Variants in EXOC4 observed in about 807,000 individuals in gnomAD.
EXOC4 encodes the protein exocyst complex component 4.
In EXOC4, 71 loss-of-function variants were observed where a neutral mutation model predicts 107.2. The ratio of observed to expected loss-of-function variants is 0.66; its 90% confidence interval spans 0.55 to 0.81. The LOEUF (loss-of-function observed/expected upper bound fraction) is 0.81. EXOC4 is among the 30% of genes least tolerant of loss of function. EXOC4 has a pLI of 0.00. For missense variants in EXOC4, 1,108 were observed against 1,189.6 expected (o/e 0.93, Z 1.01); for synonymous variants, 456 against 441.2 (o/e 1.03, Z -0.42).
intron 17 of EXOC4, among the ~76,000 whole-genome samples, chr7:134,021,645 C>T (rs982649193): frequency 8.7e-5 from 13 of 149,950 alleles, no homozygotes; most frequent in Admixed American, 6.7e-4. Context: ...TTTCCATTGC[C>T]TGGAATCTAC....
intron 7 of EXOC4, among the ~76,000 whole-genome samples, chr7:133,416,365 G>A (rs1431582758): frequency 6.6e-6 from 1 of 152,138 alleles, no homozygotes; most frequent in Non-Finnish European, 1.5e-5. Flanking sequence ...TACCTAGAGT[G>A]ACAAGTTTTT....
At chr7:133,635,401 A>G (rs1418152271) in intron 10 of EXOC4, among the ~76,000 whole-genome samples, 1 of 152,164 alleles carries the variant, frequency 6.6e-6, no homozygotes, top group South Asian at 2.1e-4. Context: ...ATTCTCTCCA[A>G]GTCTAAAAAC....
rs1329602079 is a variant in EXOC4 at position 133,709,014 on chromosome 7, T to TA, written c.1514+78874dup. ...TTTTTTCAGAGCAGTTATTTTGGAG[T>TA]ATTAGGCTTGGTTATGTCTTCAAAG... is the stretch of plus-strand genomic sequence containing the variant. On this transcript the variant is annotated intron_variant, in intron 10 of 17. Coordinates refer to ENST00000253861, the MANE Select transcript of EXOC4 (RefSeq NM_021807.4). Among the ~76,000 whole-genome samples, 5 of 152,252 alleles carry TA rather than the reference T, an allele frequency of 3.3e-5. No individual in the cohort carries two copies. In the South Asian group the frequency reaches 1.0e-3, roughly 32 times the overall value.
intron 14 of EXOC4, among the ~76,000 whole-genome samples, chr7:133,986,550 G>A (rs932126691): frequency 2.0e-5 from 3 of 152,146 alleles, no homozygotes; most frequent in Non-Finnish European, 2.9e-5. Flanking sequence ...CAAGAAGAAA[G>A]GACATCTCTA....
chr7:133,849,138 G>A (rs1252376697), intron 11 of EXOC4, among the ~76,000 whole-genome samples: 2 of 152,134 alleles, frequency 1.3e-5, no homozygotes, highest in African/African-American at 4.8e-5. Flanking sequence ...AACCCCAAGA[G>A]CATAGAGACC....
At chr7:133,389,555 A>G (rs966280165) in intron 7 of EXOC4, among the ~76,000 whole-genome samples, 1 of 137,566 alleles carries the variant, frequency 7.3e-6, no homozygotes, top group African/African-American at 2.8e-5. Context: ...TCTGGGCAAC[A>G]AGAGTGAAAC....
At chr7:133,597,317 G>T (rs550835821) in intron 9 of EXOC4, among the ~76,000 whole-genome samples, 1 of 152,248 alleles carries the variant, frequency 6.6e-6, no homozygotes, top group African/African-American at 2.4e-5. Flanking sequence ...ACTTTGGGAG[G>T]CCGAGGCGGG....
intron 9 of EXOC4, among the ~76,000 whole-genome samples, chr7:133,628,832 CT>C (rs1370190918): frequency 2.6e-5 from 4 of 152,188 alleles, no homozygotes; most frequent in Non-Finnish European, 5.9e-5. Flanking sequence ...GGAAAGCCTT[CT>C]GTTTAAACCT....
At chr7:133,554,080 A>T (rs540378423) in intron 9 of EXOC4, among the ~76,000 whole-genome samples, 1 of 152,256 alleles carries the variant, frequency 6.6e-6, no homozygotes, top group African/African-American at 2.4e-5. Context: ...AAAACCTCAC[A>T]GTTTATCTGT....
intron 10 of EXOC4, among the ~76,000 whole-genome samples, chr7:133,765,220 A>G (rs1796111449): frequency 6.6e-6 from 1 of 152,074 alleles, no homozygotes; most frequent in African/African-American, 2.4e-5. Flanking sequence ...TGGATATTGC[A>G]TCTAATGAGG....
intron 6 of EXOC4, among the ~76,000 whole-genome samples, chr7:133,365,880 A>G (rs966835087): frequency 6.6e-6 from 1 of 152,188 alleles, no homozygotes; most frequent in Non-Finnish European, 1.5e-5. Context: ...GTTTTTATAT[A>G]AAGTCTACGC....
intron 10 of EXOC4, among the ~76,000 whole-genome samples, chr7:133,684,308 A>G (rs565090717): frequency 1.3e-5 from 2 of 152,302 alleles, no homozygotes; most frequent in African/African-American, 4.8e-5. Flanking sequence ...TGCGCTCATA[A>G]CTTTGTAAAA....
chr7:133,479,912 T>A, intron 8 of EXOC4, 138 bp from the exon 9 acceptor site: 2 of 704,362 alleles, frequency 2.8e-6, no homozygotes, highest in Admixed American at 4.6e-5. Flanking sequence ...GGCCCTGTCA[T>A]GGTATAGCCA....
At chr7:133,577,642 A>G (rs1801161431) in intron 9 of EXOC4, among the ~76,000 whole-genome samples, 1 of 152,128 alleles carries the variant, frequency 6.6e-6, no homozygotes, top group South Asian at 2.1e-4. Flanking sequence ...CTCAGTCTGG[A>G]TGAGTTGGCT....
At chr7:133,606,202 TG>T (rs1801941926) in intron 9 of EXOC4, among the ~76,000 whole-genome samples, 1 of 152,130 alleles carries the variant, frequency 6.6e-6, no homozygotes, top group South Asian at 2.1e-4. Flanking sequence ...ACAAGTCTTC[TG>T]GCCTCACCTT....
chr7:133,317,412 C>T (rs1795015087), intron 5 of EXOC4, 22 bp downstream of exon 5: 3 of 1,497,700 alleles, frequency 2.0e-6, no homozygotes, highest in Admixed American at 3.4e-5. Flanking sequence ...ATTCTTCAGC[C>T]ACTAAGCTTT....
intron 9 of EXOC4, chr7:133,551,733 C>T (rs1800593355): frequency 6.6e-6 from 1 of 151,988 alleles, no homozygotes; most frequent in African/African-American, 2.4e-5. Context: ...GATTTTCATT[C>T]ACTTAAATTT....
chr7:133,481,363 T>C (rs1403101228), intron 9 of EXOC4, among the ~76,000 whole-genome samples: 1 of 142,428 alleles, frequency 7.0e-6, no homozygotes, highest in Non-Finnish European at 1.5e-5. Flanking sequence ...TGGGCTTTTC[T>C]CCATGAGGGA....
chr7:133,715,654 T>C (rs922309806), intron 10 of EXOC4, among the ~76,000 whole-genome samples: 4 of 152,242 alleles, frequency 2.6e-5, no homozygotes, highest in Non-Finnish European at 5.9e-5. Flanking sequence ...ATCTCTGCTC[T>C]TGTCTGCTGA....
Sources: allele counts gnomAD v4.1 joint callset (sites outside exome capture counted in the v4.1 genomes callset), GRCh38; gene constraint gnomAD v4.1.1; transcripts MANE v1.5; gene names NCBI Gene and HGNC (gene_info 2026-07-23, HGNC 2026-07-21).